The following SMPD4 variants were observed in gnomAD, a reference collection of about 807,000 sequenced individuals.
SMPD4 encodes the protein neutral sphingomyelinase 3.
Under a neutral mutation model 97.8 loss-of-function variants are expected in SMPD4, and 58 were observed. The observed-to-expected ratio is 0.59, with a 90% confidence interval of 0.48 to 0.74. The LOEUF (loss-of-function observed/expected upper bound fraction) is 0.74. Ranked by LOEUF, SMPD4 falls within the 30% of genes least tolerant of loss-of-function variation. SMPD4 has a pLI of 0.00. For missense variants in SMPD4, 853 were observed against 1,080.5 expected, an observed-to-expected ratio of 0.79 and a Z score of 2.95; for synonymous variants, 388 against 450.0, an observed-to-expected ratio of 0.86 and a Z score of 1.74.
chr2:130,160,096 G>A (rs1019628843), intron 11 of SMPD4, among the ~76,000 whole-genome samples: 2 of 152,050 alleles, frequency 1.3e-5, no homozygotes, highest in Non-Finnish European at 2.9e-5. Context: ...TGTCCCCAAA[G>A]CCGCACATTT....
Position 130,176,610 on chromosome 2 carries a change from A to C in SMPD4, c.-18T>G, listed in dbSNP as rs573679380. On this transcript the variant is annotated 5_prime_UTR_variant, in exon 2 of 20. Transcript: ENST00000680298. The stretch of plus-strand genomic sequence containing the variant: ...AACGCCATAGCAGCCTCCAGTGGAG[A>C]GTTGAAAATGGCCTTCTTAGCAAAC... The C allele has an allele frequency of 2.0e-4, 323 of 1,613,466 alleles. 3 individuals are homozygous for C. The South Asian group carries it at 3.3e-3, about 16-fold the overall frequency.
chr2:130,173,822 C>T (rs1473124401), intron 3 of SMPD4, among the ~76,000 whole-genome samples, 166 bp from the exon 4 acceptor site: 8 of 152,098 alleles, frequency 5.3e-5, no homozygotes, highest in Non-Finnish European at 1.0e-4. Context: ...ATGGTGCCAA[C>T]GACAAGAGCA....
rs1171405290 is a variant in SMPD4 at position 130,181,302 on chromosome 2, G to C, written c.-46+228C>G. The C allele has an allele frequency of 2.8e-6, 4 of 1,413,148 alleles. No individual in the cohort carries two copies. The South Asian group carries it at 4.7e-5, about 17-fold the overall frequency. The allele number at this position is 1,413,148 out of a possible 1,614,324, so 87.5% of individuals were successfully genotyped here. On this transcript the variant is annotated intron_variant, in intron 1 of 19. Transcript: ENST00000680298. The stretch of plus-strand genomic sequence containing the variant: ...ACCTTCAGCGAACACCTACCGGACC[G>C]GGACAGAGTGTACGAGCCGCGCGGG...
intron 1 of SMPD4, 33 bp downstream of exon 1, chr2:130,181,497 G>T (rs757582074): frequency 2.6e-5 from 41 of 1,581,598 alleles, no homozygotes; most frequent in Admixed American, 1.5e-4. Context: ...CAGGGCGCCG[G>T]ACCGTCTCAG....
chr2:130,166,714 C>G (rs1427344940), intron 9 of SMPD4, among the ~76,000 whole-genome samples: 1 of 152,248 alleles, frequency 6.6e-6, no homozygotes, highest in East Asian at 1.9e-4. Flanking sequence ...CAGCCAGGAC[C>G]TGGGAGTTGG....
In SMPD4 at chr2:130,153,430, CCTGAGCTGCGCTTCG is replaced by C; in HGVS notation, c.1899_1913del (p.Ser633_Leu637del). 1 of 1,613,760 alleles carries C rather than the reference CCTGAGCTGCGCTTCG, an allele frequency of 6.2e-7. No individual in the cohort carries two copies. On this transcript the variant is annotated inframe_deletion, in exon 18 of 20. Transcript: ENST00000680298. ...TGGTGCCCAAGGCGAGTGTGAACTG[CCTGAGCTGCGCTTCG>C]CTGAGCTGCCAGAGAGAAATGCCAC...
At chr2:130,162,470 G>A (rs1016263515) in intron 10 of SMPD4, among the ~76,000 whole-genome samples, 21 of 152,190 alleles carry the variant, frequency 1.4e-4, no homozygotes, top group African/African-American at 4.8e-4. Flanking sequence ...GCCTTCCTCT[G>A]TGCCAGACCT....
At chr2:130,156,811 A>T (rs1686849251) in intron 12 of SMPD4, 136 bp from the exon 13 acceptor site, 3 of 1,546,554 alleles carry the variant, frequency 1.9e-6, no homozygotes, top group Non-Finnish European at 2.6e-6. Flanking sequence ...GTTCAGCCCC[A>T]TTCTTCAGAG....
intron 2 of SMPD4, 62 bp downstream of exon 2, chr2:130,176,492 T>TC: frequency 7.2e-7 from 1 of 1,386,112 alleles, no homozygotes; most frequent in East Asian, 2.3e-5. Flanking sequence ...GGAAGAACAC[T>TC]CAAGTCCCAC....
chr2:130,157,662 T>C, intron 11 of SMPD4: 1 of 604,124 alleles, frequency 1.7e-6, no homozygotes, highest in Non-Finnish European at 2.8e-6. Flanking sequence ...GAGGCCTCAC[T>C]AAGACAGACA....
chr2:130,179,180 G>A (rs1689255544), intron 1 of SMPD4, among the ~76,000 whole-genome samples: 1 of 137,940 alleles, frequency 7.2e-6, no homozygotes, highest in Admixed American at 8.1e-5. Context: ...CTAGAGTCCT[G>A]TGGCGCTATC....
At position 130,170,202 on chromosome 2, in the gene SMPD4, C is replaced by G. The variant is rs548798474; in HGVS notation, c.659+2147G>C. Among the ~76,000 whole-genome samples, 11 of 151,760 alleles carry G rather than the reference C, an allele frequency of 7.2e-5. No homozygotes were observed. The South Asian group carries it at 2.3e-3, about 32-fold the overall frequency. ...GACCGTCTTTAAAAATACATAATGG[C>G]TAGGCCAGGAGCGGCGGCTCACACC... On this transcript the variant is annotated intron_variant, in intron 8 of 19. Coordinates refer to ENST00000680298, the MANE Select transcript of SMPD4 (RefSeq NM_017951.5).
rs530502695 is a variant in SMPD4, at chr2:130,180,311, C to T, written c.-46+1219G>A. 4.6e-5 allele frequency among the ~76,000 whole-genome samples: 7 copies of T among 151,758 alleles called. No individual in the cohort carries two copies. In the South Asian group the frequency reaches 6.2e-4, roughly 14 times the overall value. On this transcript the variant is annotated intron_variant, in intron 1 of 19. Transcript: ENST00000680298. ...GACGGAGTCTCGCTCTGGGCTCTGTCGCACAGGCTGGAGTGCAGTGGCGCG... is the reference window on the plus strand; with the variant it reads ...GACGGAGTCTCGCTCTGGGCTCTGTTGCACAGGCTGGAGTGCAGTGGCGCG...
chr2:130,153,335 G>A lies in SMPD4; in HGVS notation c.2009C>T (p.Pro670Leu), dbSNP rs766890210. The A allele has an allele frequency of 2.5e-6, 4 of 1,613,682 alleles. No individual in the cohort carries two copies. Among genetic ancestry groups the A allele is most frequent in the African/African-American group, 2.7e-5 (2 of 74,946 alleles). ...GCCTCTCACCTGGTACCGCCCCAGG[G>A]GCGTAAGGATGAGTCCGTCCTCACC... ...IVGEDGLILT[P>L]LGRYQIINGL... The change falls in exon 18 of 20, where the codon CCC becomes CTC. Residue 670 changes from proline (P) to leucine (L), a missense_variant. Transcript: ENST00000680298.
chr2:130,168,289 T>G (rs1405707436), intron 8 of SMPD4, among the ~76,000 whole-genome samples: 1 of 152,018 alleles, frequency 6.6e-6, no homozygotes, highest in African/African-American at 2.4e-5. Context: ...CCAGGTGTGG[T>G]GATGCCTCCC....
At chr2:130,170,861 G>A (rs1688388204) in intron 8 of SMPD4, among the ~76,000 whole-genome samples, 1 of 151,690 alleles carries the variant, frequency 6.6e-6, no homozygotes, top group Admixed American at 6.6e-5. Context: ...AGGAGTTTGA[G>A]GCCAGCCTGG....
chr2:130,165,835 ACTAAGATTAGAGGTGTGAGGCCC>A (rs1438812678), intron 9 of SMPD4, among the ~76,000 whole-genome samples: 2 of 152,098 alleles, frequency 1.3e-5, no homozygotes, highest in African/African-American at 4.8e-5. Flanking sequence ...CTCCCAACGC[ACTAAGATTAGAGGTGTGAGGCCC>A]CTGCGCCCGG....
intron 8 of SMPD4, among the ~76,000 whole-genome samples, chr2:130,168,281 A>G (rs1043113491): frequency 2.0e-5 from 3 of 152,090 alleles, no homozygotes; most frequent in African/African-American, 7.2e-5. Context: ...AAAATTAGCC[A>G]GGTGTGGTGA....
At position 130,173,562 on chromosome 2, in the gene SMPD4, C is replaced by A. The variant is rs781097935; in HGVS notation, c.221G>T (p.Arg74Leu). The change falls in exon 4 of 20, where the codon CGC becomes CTC. Residue 74 changes from arginine to leucine, a missense_variant. Arg to Leu is a moderately radical substitution (Grantham distance 102, BLOSUM62 -2). Transcript: ENST00000680298. Reference protein sequence around the residue: ...VGWNLRCLQGRVNPVEYSIVM... With the variant: ...VGWNLRCLQGLVNPVEYSIVM... ...GATGCTGTACTCCACAGGATTCACG[C>A]GCCCCTGTAAGCAGCGGAGGTTCCA... is the stretch of plus-strand genomic sequence containing the variant. The A allele has an allele frequency of 6.2e-7, 1 of 1,613,350 alleles. No individual in the cohort carries two copies. Among genetic ancestry groups the A allele is most frequent in the African/African-American group, 1.3e-5 (1 of 75,014 alleles).
Sources: gnomAD v4.1 joint callset for allele counts (sites outside exome capture counted in the v4.1 genomes callset) on GRCh38, gnomAD v4.1.1 for gene constraint, MANE v1.5 for transcripts, NCBI Gene and HGNC (gene_info 2026-07-23, HGNC 2026-07-21) for gene names.